PCDHA6: variants seen among roughly 807,000 people sequenced by gnomAD.
PCDHA6 encodes protocadherin alpha 6, also known as protocadherin alpha-6.
In PCDHA6, 55 loss-of-function variants were observed where a neutral mutation model predicts 60.3. That is an observed-to-expected ratio of 0.91 (90% CI 0.73 to 1.14). PCDHA6 has a LOEUF of 1.14. Ranked by LOEUF, PCDHA6 falls within the 50% of genes most tolerant of loss-of-function variation. The pLI, the probability that PCDHA6 is intolerant of heterozygous loss-of-function variation, is 0.00. For synonymous variants in PCDHA6, 652 were observed against 557.9 expected (o/e 1.17, Z -2.38); for missense variants, 1,327 against 1,256.5 (o/e 1.06, Z -0.85).
intron 1 of PCDHA6, chr5:140,877,311 G>C (rs200978234): frequency 6.3e-5 from 101 of 1,613,852 alleles, no homozygotes; most frequent in Non-Finnish European, 7.9e-5. Context: ...AGTTGCAACC[G>C]GCGGCGGTCG....
chr5:140,858,727 G>A (rs2045572985), intron 1 of PCDHA6: 2 of 482,238 alleles, frequency 4.1e-6, no homozygotes, highest in Non-Finnish European at 3.7e-6. Context: ...CAGTTCTGAC[G>A]ATTTACTTTC....
chr5:140,977,482 A>G lies in PCDHA6; in HGVS notation c.2395-1467A>G, dbSNP rs3776112. ...TTTGGTCTGTAGATAATTTTATGCTATGTTATATGGAATATCCACAGCATT... is the reference window on the plus strand; with the variant it reads ...TTTGGTCTGTAGATAATTTTATGCTGTGTTATATGGAATATCCACAGCATT... On this transcript the variant is annotated intron_variant, in intron 1 of 3. Coordinates refer to ENST00000529310, the MANE Select transcript of PCDHA6 (RefSeq NM_018909.4). Among the ~76,000 whole-genome samples the G allele has an allele frequency of 3.0e-4, 46 of 152,350 alleles. No homozygotes were observed. The East Asian group carries it at 5.4e-3, about 18-fold the overall frequency.
At chr5:140,982,353 C>G (rs2096979519) in intron 2 of PCDHA6, 122 bp from the exon 3 acceptor site, 1 of 1,509,284 alleles carries the variant, frequency 6.6e-7, no homozygotes, top group East Asian at 2.4e-5. Flanking sequence ...TCAGTTCAAG[C>G]ATGAGCAGAA....
In PCDHA6 at chr5:140,968,167, A is replaced by G. The variant is rs782252124; in HGVS notation, c.2395-10782A>G. 1.3e-4 allele frequency: 217 copies of G among 1,613,958 alleles called. 1 individual carries two copies. The highest frequency in any genetic ancestry group is 9.3e-6 in the Non-Finnish European group (11 of 1,180,038). On this transcript the variant is annotated intron_variant, in intron 1 of 3. Transcript: ENST00000529310. ...TCTCTGACATCAATGACAATCCACC[A>G]AGCTTCCTGGAGGACTCCTATTCCA...
At chr5:141,001,476 G>A (rs1554258187) in intron 3 of PCDHA6, among the ~76,000 whole-genome samples, 1 of 152,226 alleles carries the variant, frequency 6.6e-6, no homozygotes, top group Admixed American at 6.5e-5. Flanking sequence ...CAGCAGCGGG[G>A]AAGTGCTGGA....
At chr5:140,858,653 TTTTAAATAACAATTTATTCTGAATACAC>T in intron 1 of PCDHA6, 1 of 816,482 alleles carries the variant, frequency 1.2e-6, no homozygotes, top group Non-Finnish European at 1.9e-6. Flanking sequence ...ACTTAAATTT[TTTTAAATAACAATTTATTCTGAATACAC>T]TAATATTTTC....
intron 1 of PCDHA6, chr5:140,842,957 G>A: frequency 6.3e-7 from 1 of 1,594,936 alleles, no homozygotes; most frequent in Middle Eastern, 1.8e-4. Flanking sequence ...GCCGCCTCTG[G>A]GCAGCAACGT....
At chr5:140,893,666 C>T (rs2064116335) in intron 1 of PCDHA6, among the ~76,000 whole-genome samples, 1 of 152,160 alleles carries the variant, frequency 6.6e-6, no homozygotes, top group African/African-American at 2.4e-5. Flanking sequence ...TAAAAAATTT[C>T]AGCACTTTGG....
At chr5:140,995,682 T>A (rs566340825) in intron 3 of PCDHA6, among the ~76,000 whole-genome samples, 28 of 152,312 alleles carry the variant, frequency 1.8e-4, no homozygotes, top group East Asian at 9.6e-4. Context: ...GCATTTTTTT[T>A]AATTGTTAAA....
intron 1 of PCDHA6, chr5:140,870,432 G>T (rs368823990): frequency 4.3e-6 from 7 of 1,614,134 alleles, no homozygotes; most frequent in Non-Finnish European, 5.1e-6. Flanking sequence ...TATCCGTGGA[G>T]GTGGCCGACG....
Position 140,846,221 on chromosome 5 carries a change from A to C in PCDHA6, c.2394+15736A>C, listed in dbSNP as rs944343213. Among the ~76,000 whole-genome samples, 2 of 149,362 alleles carry C rather than the reference A, an allele frequency of 1.3e-5. 1 individual carries two copies. The highest frequency in any genetic ancestry group is 3.0e-5 in the Non-Finnish European group (2 of 66,804). On this transcript the variant is annotated intron_variant, in intron 1 of 3. Coordinates refer to ENST00000529310, the MANE Select transcript of PCDHA6 (RefSeq NM_018909.4). ...TGTATGAGATCTTTCCATTAATAGT[A>C]TTTTTCTTAAAAAGAAGTATACAAT... is the stretch of plus-strand genomic sequence containing the variant.
intron 1 of PCDHA6, chr5:140,862,242 A>C (rs1297106167): frequency 4.7e-6 from 1 of 212,242 alleles, no homozygotes; most frequent in Non-Finnish European, 9.5e-6. Flanking sequence ...CATCAATGAT[A>C]GTGTTCCAGA....
chr5:140,850,793 G>C (rs1232565289), intron 1 of PCDHA6: 2 of 1,598,464 alleles, frequency 1.3e-6, no homozygotes, highest in Non-Finnish European at 1.7e-6. Flanking sequence ...GTAAGCAGAA[G>C]ACCGACCTCA....
Position 140,829,915 on chromosome 5 carries a change from G to C in PCDHA6, c.1824G>C (p.Ser608=), listed in dbSNP as rs782789312. 5 of 1,613,890 alleles carry C rather than the reference G, an allele frequency of 3.1e-6. No individual in the cohort carries two copies. The highest frequency in any genetic ancestry group is 1.7e-5 in the Admixed American group (1 of 60,002). ...DADSGYNAWL[S]YELQPPASSA... is the part of the protein sequence containing the mutation. ...ACTCAGGCTACAACGCGTGGCTTTCGTATGAGCTGCAGCCCCCGGCAAGCA... is the reference window on the plus strand; with the variant it reads ...ACTCAGGCTACAACGCGTGGCTTTCCTATGAGCTGCAGCCCCCGGCAAGCA... Residue 608 remains serine, a synonymous_variant, in exon 1 of 4, where the codon TCG becomes TCC. Coordinates refer to ENST00000529310, the MANE Select transcript of PCDHA6 (RefSeq NM_018909.4).
intron 1 of PCDHA6, among the ~76,000 whole-genome samples, chr5:140,941,255 C>CTTTCTTTCTT (rs782490896): frequency 0.012 from 539 of 44,464 alleles, 5 homozygotes; most frequent in Middle Eastern, 0.036. Context: ...TTCTTTCTTT[C>CTTTCTTTCTT]TCTTTCTTTC....
chr5:140,846,023 G>A lies in PCDHA6; in HGVS notation c.2394+15538G>A, dbSNP rs190415681. Among the ~76,000 whole-genome samples, 29 of 149,662 alleles carry A rather than the reference G, an allele frequency of 1.9e-4. No homozygotes were observed. The East Asian group carries it at 5.2e-3, about 27-fold the overall frequency. ...ATGAAAAAAATCTAAAAGTTATTACGAGTTTAGGAAAGTCAAGTTAACACC... is the reference window on the plus strand; with the variant it reads ...ATGAAAAAAATCTAAAAGTTATTACAAGTTTAGGAAAGTCAAGTTAACACC... On this transcript the variant is annotated intron_variant, in intron 1 of 3. Transcript: ENST00000529310.
At chr5:140,985,832 C>T (rs760290757) in intron 3 of PCDHA6, among the ~76,000 whole-genome samples, 4 of 151,378 alleles carry the variant, frequency 2.6e-5, no homozygotes, top group African/African-American at 4.9e-5. Flanking sequence ...CTCTGCCTCC[C>T]GGGTTCATGC....
intron 3 of PCDHA6, among the ~76,000 whole-genome samples, chr5:140,995,476 A>G (rs2097685199): frequency 6.6e-6 from 1 of 152,210 alleles, no homozygotes; most frequent in Non-Finnish European, 1.5e-5. Flanking sequence ...TTTTTCATTT[A>G]ATATTTTCAG....
intron 1 of PCDHA6, chr5:140,967,347 A>G: frequency 6.2e-7 from 1 of 1,608,324 alleles, no homozygotes; most frequent in South Asian, 1.1e-5. Flanking sequence ...GAGCACTTCG[A>G]GCTGGACCTT....
Sources: gnomAD v4.1 joint callset for allele counts (sites outside exome capture counted in the v4.1 genomes callset) on GRCh38, gnomAD v4.1.1 for gene constraint, MANE v1.5 for transcripts, NCBI Gene and HGNC (gene_info 2026-07-23, HGNC 2026-07-21) for gene names.